Variants in DDHD1 observed in about 807,000 individuals in gnomAD.
The protein encoded by DDHD1 is phospholipase DDHD1.
A neutral mutation model predicts 96.4 loss-of-function variants in DDHD1; 49 were observed. The ratio of observed to expected loss-of-function variants is 0.51; its 90% CI spans 0.40 to 0.64. The LOEUF (loss-of-function observed/expected upper bound fraction) is 0.64, where lower values mean the gene tolerates loss of function less well. Ranked by LOEUF, DDHD1 falls within the 30% of genes least tolerant of loss-of-function variation. The probability of loss-of-function intolerance (pLI) is 0.00; values close to 1 mark genes in which losing one functional copy is unlikely to be tolerated. For missense variants in DDHD1, 1,106 were observed against 1,161.2 expected (o/e 0.95, Z 0.69); for synonymous variants, 442 against 446.5 (o/e 0.99, Z 0.13).
intron 1 of DDHD1, among the ~76,000 whole-genome samples, chr14:53,135,782 A>G (rs1211330870): frequency 6.6e-6 from 1 of 152,234 alleles, no homozygotes; most frequent in Non-Finnish European, 1.5e-5. Context: ...AATGGATTTA[A>G]TATCTCACCT....
At chr14:53,137,951 G>A (rs1335062342) in intron 1 of DDHD1, among the ~76,000 whole-genome samples, 1 of 152,130 alleles carries the variant, frequency 6.6e-6, no homozygotes, top group Non-Finnish European at 1.5e-5. Context: ...AGATAAAAAC[G>A]ATAGCAAACT....
chr14:53,131,959 C>A (rs1889896050), intron 1 of DDHD1, among the ~76,000 whole-genome samples: 1 of 152,142 alleles, frequency 6.6e-6, no homozygotes, highest in Admixed American at 6.5e-5. Context: ...AAACCTCAAC[C>A]CCTTCTACAA....
intron 6 of DDHD1, among the ~76,000 whole-genome samples, chr14:53,063,537 C>G (rs1883775365): frequency 6.6e-6 from 1 of 151,006 alleles, no homozygotes; most frequent in Non-Finnish European, 1.5e-5. Flanking sequence ...TTTCAAAGAC[C>G]CCCGCAAATT....
intron 2 of DDHD1, among the ~76,000 whole-genome samples, chr14:53,096,687 T>C (rs1886908584): frequency 6.6e-6 from 1 of 151,882 alleles, no homozygotes; most frequent in Non-Finnish European, 1.5e-5. Context: ...TACATTCTAC[T>C]AGATGCTTTC....
In DDHD1 at chr14:53,093,307, A is replaced by C; in HGVS notation, c.1141+9T>G. The C allele has an allele frequency of 6.2e-7, 1 of 1,602,110 alleles. No individual in the cohort carries two copies. Among genetic ancestry groups the C allele is most frequent in the Non-Finnish European group, 8.5e-7 (1 of 1,177,106 alleles). Reference sequence around the variant, plus strand: ...ATTTTGATAAGCTCTAGTAATATTTAACAATTACCTTTAGAAAATCCCAGT... The same window carrying C: ...ATTTTGATAAGCTCTAGTAATATTTCACAATTACCTTTAGAAAATCCCAGT... On this transcript the variant is annotated intron_variant, in intron 3 of 12. Coordinates refer to ENST00000673822, the MANE Select transcript of DDHD1 (RefSeq NM_001160148.2).
At position 53,038,369 on chromosome 14, in the gene DDHD1, C is replaced by T. The variant is rs1404648031; in HGVS notation, c.*8399G>A. 3.9e-5 allele frequency: 6 copies of T among 152,034 alleles called. No individual in the cohort carries two copies. The highest frequency in any genetic ancestry group is 1.4e-4 in the African/African-American group (6 of 41,380). 9.4% of individuals were successfully genotyped at this position (152,034 alleles called of 1,614,324 possible). On this transcript the variant is annotated 3_prime_UTR_variant, in exon 13 of 13. Transcript: ENST00000673822. ...AAAAATTAGGAGCATTTCTATACAC[C>T]AATAACGTTCAAGCTGAGAGCAAAT... is the stretch of plus-strand genomic sequence containing the variant.
At chr14:53,149,498 G>A (rs1891206328) in intron 1 of DDHD1, among the ~76,000 whole-genome samples, 1 of 152,154 alleles carries the variant, frequency 6.6e-6, no homozygotes, top group Admixed American at 6.5e-5. Flanking sequence ...GACCCTCCTA[G>A]AAAGTGTGAA....
In DDHD1 at chr14:53,041,307, C is replaced by T. The variant is rs1020150230; in HGVS notation, c.*5461G>A. On this transcript the variant is annotated 3_prime_UTR_variant, in exon 13 of 13. Transcript: ENST00000673822. Reference sequence around the variant, plus strand: ...TAGCAGACAATACTAAGCATGCACCCGCCCTTATACAAACACAAAGGCAGA... The same window carrying T: ...TAGCAGACAATACTAAGCATGCACCTGCCCTTATACAAACACAAAGGCAGA... 9.9e-5 allele frequency: 15 copies of T among 152,064 alleles called. No homozygotes were observed. The highest frequency in any genetic ancestry group is 8.5e-4 in the Admixed American group (13 of 15,244). The allele number at this position is 152,064 out of a possible 1,614,324, so 9.4% of individuals were successfully genotyped here. A position where few individuals can be genotyped will look rare whatever the true frequency, so the allele number is the denominator to read the frequency against.
At chr14:53,080,012 A>G (rs1885320516) in intron 4 of DDHD1, among the ~76,000 whole-genome samples, 1 of 152,132 alleles carries the variant, frequency 6.6e-6, no homozygotes, top group Non-Finnish European at 1.5e-5. Context: ...CAGCCTGGCC[A>G]AAAAAAGCAT....
rs960682612 is a variant in DDHD1 at position 53,038,343 on chromosome 14, C to T, written c.*8425G>A. The T allele has an allele frequency of 4.6e-5, 7 of 152,202 alleles. No homozygotes were observed. The East Asian group carries it at 9.6e-4, about 21-fold the overall frequency. 9.4% of individuals were successfully genotyped at this position (152,202 alleles called of 1,614,324 possible). ...AGTTTCAGGATACAAAATCAATGCA[C>T]AAAAATTAGGAGCATTTCTATACAC... On this transcript the variant is annotated 3_prime_UTR_variant, in exon 13 of 13. Coordinates refer to ENST00000673822, the MANE Select transcript of DDHD1 (RefSeq NM_001160148.2).
intron 7 of DDHD1, 41 bp downstream of exon 7, chr14:53,062,902 A>G (rs1417325311): frequency 6.3e-7 from 1 of 1,593,904 alleles, no homozygotes; most frequent in South Asian, 1.1e-5. Context: ...GTAATTCCAT[A>G]AAGACATTTA....
At chr14:53,057,945 G>T (rs1428473842) in intron 9 of DDHD1, among the ~76,000 whole-genome samples, 9 of 152,170 alleles carry the variant, frequency 5.9e-5, no homozygotes, top group Admixed American at 5.9e-4. Context: ...TGCCTCCCAG[G>T]TTCAAGCAAT....
intron 2 of DDHD1, among the ~76,000 whole-genome samples, chr14:53,101,532 T>C (rs1887295410): frequency 6.6e-6 from 1 of 152,030 alleles, no homozygotes; most frequent in South Asian, 2.1e-4. Flanking sequence ...TGCAAAAGTG[T>C]TCTAATAATT....
At chr14:53,072,572 C>G (rs767464679) in intron 6 of DDHD1, 25 bp downstream of exon 6, 12 of 1,364,510 alleles carry the variant, frequency 8.8e-6, no homozygotes, top group African/African-American at 1.5e-5. Flanking sequence ...AAAATACCCA[C>G]CAGCAAGATA....
At position 53,102,548 on chromosome 14, in the gene DDHD1, C is replaced by T. The variant is rs76468256; in HGVS notation, c.1012+1135G>A. 8.0e-3 allele frequency among the ~76,000 whole-genome samples: 1,220 copies of T among 152,066 alleles called. 12 individuals carry two copies. Among genetic ancestry groups the T allele is most frequent in the Non-Finnish European group, 0.011 (779 of 67,886 alleles). On this transcript the variant is annotated intron_variant, in intron 2 of 12. Transcript: ENST00000673822. ...AATTTATTCAGAAGTCACAAGTTTC[C>T]TCAGTTATATAGACTTTTAATCAAC...
At chr14:53,128,524 C>T (rs1889625963) in intron 1 of DDHD1, among the ~76,000 whole-genome samples, 1 of 152,138 alleles carries the variant, frequency 6.6e-6, no homozygotes, top group African/African-American at 2.4e-5. Flanking sequence ...TATCACTTCC[C>T]AAAGGCCCCA....
chr14:53,149,948 G>A (rs1173976362), intron 1 of DDHD1: 1 of 152,144 alleles, frequency 6.6e-6, no homozygotes. Context: ...TTACTCGCAG[G>A]ATAAAGGCCA....
intron 1 of DDHD1, among the ~76,000 whole-genome samples, chr14:53,147,816 C>T (rs1891101005): frequency 6.6e-6 from 1 of 152,084 alleles, no homozygotes. Context: ...GGGTCAGGCA[C>T]GATCCCTATA....
At position 53,112,415 on chromosome 14, in the gene DDHD1, C is replaced by CA. The variant is rs143344796; in HGVS notation, c.839-8560dup. 5.8e-3 allele frequency among the ~76,000 whole-genome samples: 622 copies of CA among 107,294 alleles called. 3 individuals carry two copies. Among genetic ancestry groups the CA allele is most frequent in the African/African-American group, 0.014 (393 of 28,690 alleles). The allele number at this position is 107,294 out of a possible 152,430, so 70.4% of individuals were successfully genotyped here. ...CTGGCAACAGAGCGAGACTCCATCTCAAAAAAAAAAAAAAAGTTACACAGT... is the reference window on the plus strand; with the variant it reads ...CTGGCAACAGAGCGAGACTCCATCTCAAAAAAAAAAAAAAAAGTTACACAGT... On this transcript the variant is annotated intron_variant, in intron 1 of 12. Transcript: ENST00000673822.
Sources: gnomAD v4.1 joint callset for allele counts (sites outside exome capture counted in the v4.1 genomes callset) on GRCh38, gnomAD v4.1.1 for gene constraint, MANE v1.5 for transcripts, NCBI Gene and HGNC (gene_info 2026-07-23, HGNC 2026-07-21) for gene names.